NT5DC1: variants seen among roughly 807,000 people sequenced by gnomAD.
NT5DC1 encodes the protein 5'-nucleotidase domain-containing protein 1.
Under a neutral mutation model 59.4 loss-of-function variants are expected in NT5DC1, and 42 were observed. The observed-to-expected ratio is 0.71, with a 90% CI of 0.55 to 0.92. The LOEUF is 0.92. Ranked by LOEUF, NT5DC1 falls within the 40% of genes least tolerant of loss-of-function variation. The pLI, the probability that NT5DC1 is intolerant of heterozygous loss-of-function variation, is 0.00. For synonymous variants in NT5DC1, 172 were observed against 188.1 expected (o/e 0.91, Z 0.70); for missense variants, 501 against 537.1 (o/e 0.93, Z 0.66).
chr6:116,171,589 G>A (rs941102398), intron 6 of NT5DC1, among the ~76,000 whole-genome samples: 4 of 152,136 alleles, frequency 2.6e-5, no homozygotes, highest in African/African-American at 9.7e-5. Context: ...GCAATAATGT[G>A]GTTTAGGTAG....
At chr6:116,153,393 T>A (rs1004065130) in intron 6 of NT5DC1, among the ~76,000 whole-genome samples, 1 of 152,200 alleles carries the variant, frequency 6.6e-6, no homozygotes, top group Admixed American at 6.5e-5. Flanking sequence ...ATCTAATATC[T>A]GTTGTCAGAT....
Position 116,124,851 on chromosome 6 carries a change from T to C in NT5DC1, c.529+6906T>C, listed in dbSNP as rs183489871. The stretch of plus-strand genomic sequence containing the variant: ...TCTCATAATTACATTTGTTCATTGT[T>C]GGGGGGGAGGCCATCAGATTTTTTT... On this transcript the variant is annotated intron_variant, in intron 6 of 11. Transcript: ENST00000319550. Among the ~76,000 whole-genome samples the C allele has an allele frequency of 4.3e-3, 660 of 152,294 alleles. 6 individuals carry two copies. The Middle Eastern group carries it at 0.054, about 13-fold the overall frequency.
chr6:116,234,134 G>A (rs1782071720), intron 8 of NT5DC1, among the ~76,000 whole-genome samples: 1 of 151,424 alleles, frequency 6.6e-6, no homozygotes, highest in Non-Finnish European at 1.5e-5. Context: ...CTAATTTTTT[G>A]TATTTTTGGT....
intron 10 of NT5DC1, 85 bp downstream of exon 10, chr6:116,238,433 ATTGTCCTGGTC>A: frequency 1.2e-6 from 1 of 806,704 alleles, no homozygotes; most frequent in Non-Finnish European, 1.7e-6. Context: ...TGACTCCAAA[ATTGTCCTGGTC>A]AGGCTGAATA....
chr6:116,159,861 C>T (rs1369369504), intron 6 of NT5DC1, among the ~76,000 whole-genome samples: 1 of 152,048 alleles, frequency 6.6e-6, no homozygotes, highest in Non-Finnish European at 1.5e-5. Flanking sequence ...TGAGAACATG[C>T]GATATTTGTT....
chr6:116,157,110 T>A (rs1780215003), intron 6 of NT5DC1, among the ~76,000 whole-genome samples: 1 of 152,196 alleles, frequency 6.6e-6, no homozygotes, highest in Non-Finnish European at 1.5e-5. Flanking sequence ...CATGGATTAT[T>A]TGGGTATGAG....
chr6:116,223,857 G>A (rs1781857989), intron 8 of NT5DC1, among the ~76,000 whole-genome samples: 1 of 152,048 alleles, frequency 6.6e-6, no homozygotes, highest in South Asian at 2.1e-4. Context: ...AATCCAGGAT[G>A]GTTGGAAATT....
At chr6:116,198,410 G>T (rs1781280252) in intron 6 of NT5DC1, among the ~76,000 whole-genome samples, 1 of 151,984 alleles carries the variant, frequency 6.6e-6, no homozygotes, top group South Asian at 2.1e-4. Context: ...TAAAGAGCAT[G>T]CCTTCTTCTA....
intron 1 of NT5DC1, among the ~76,000 whole-genome samples, chr6:116,105,712 CT>C (rs1778753809): frequency 1.3e-5 from 2 of 151,238 alleles, no homozygotes; most frequent in Admixed American, 1.3e-4. Context: ...TTTCTTTGTC[CT>C]TTGTCTTTAG....
At chr6:116,165,365 A>G (rs1429070549) in intron 6 of NT5DC1, among the ~76,000 whole-genome samples, 1 of 152,166 alleles carries the variant, frequency 6.6e-6, no homozygotes, top group Non-Finnish European at 1.5e-5. Flanking sequence ...TTTCTTCCAC[A>G]TGGATTTCTA....
chr6:116,208,262 C>T (rs965985117), intron 6 of NT5DC1, among the ~76,000 whole-genome samples: 4 of 151,950 alleles, frequency 2.6e-5, no homozygotes. Context: ...CATTTTAGTT[C>T]TCCTAATTTT....
At chr6:116,173,288 T>C (rs1303421152) in intron 6 of NT5DC1, among the ~76,000 whole-genome samples, 1 of 152,122 alleles carries the variant, frequency 6.6e-6, no homozygotes, top group East Asian at 1.9e-4. Context: ...TTTTTAAGAG[T>C]TGCAAAATTT....
chr6:116,196,827 A>T (rs948338153), intron 6 of NT5DC1, among the ~76,000 whole-genome samples: 1 of 151,844 alleles, frequency 6.6e-6, no homozygotes, highest in Admixed American at 6.6e-5. Context: ...ACACTCACAT[A>T]GTGCTTACCA....
At chr6:116,162,953 C>T (rs1220312266) in intron 6 of NT5DC1, among the ~76,000 whole-genome samples, 1 of 151,624 alleles carries the variant, frequency 6.6e-6, no homozygotes, top group African/African-American at 2.4e-5. Flanking sequence ...TGGTGAAACC[C>T]CGTCTCTACT....
chr6:116,103,214 A>G (rs1451749954), intron 1 of NT5DC1, among the ~76,000 whole-genome samples: 1 of 152,188 alleles, frequency 6.6e-6, no homozygotes, highest in South Asian at 2.1e-4. Context: ...TGAATAGATA[A>G]TAGGTATTTT....
At chr6:116,102,519 C>G (rs1330155627) in intron 1 of NT5DC1, among the ~76,000 whole-genome samples, 1 of 152,122 alleles carries the variant, frequency 6.6e-6, no homozygotes, top group African/African-American at 2.4e-5. Flanking sequence ...TTGTGTGTCT[C>G]CTCTTTAGTT....
chr6:116,229,229 T>C (rs1309118706), intron 8 of NT5DC1, among the ~76,000 whole-genome samples: 3 of 152,166 alleles, frequency 2.0e-5, no homozygotes, highest in Non-Finnish European at 4.4e-5. Flanking sequence ...CCTCATTTCT[T>C]CCCTCCCTTT....
intron 1 of NT5DC1, among the ~76,000 whole-genome samples, chr6:116,105,539 G>A (rs757471992): frequency 1.3e-5 from 2 of 152,248 alleles, no homozygotes; most frequent in Admixed American, 6.5e-5. Context: ...TCTACCTTTT[G>A]TGCACTTTTT....
At chr6:116,201,547 A>C (rs1781346711) in intron 6 of NT5DC1, among the ~76,000 whole-genome samples, 1 of 152,008 alleles carries the variant, frequency 6.6e-6, no homozygotes, top group Non-Finnish European at 1.5e-5. Context: ...CAGTGAGGTG[A>C]GCATTTGCCA....
Sources: gnomAD v4.1 joint callset for allele counts (sites outside exome capture counted in the v4.1 genomes callset) on GRCh38, gnomAD v4.1.1 for gene constraint, MANE v1.5 for transcripts, NCBI Gene and HGNC (gene_info 2026-07-23, HGNC 2026-07-21) for gene names.